PRKCE: variants seen among roughly 807,000 people sequenced by gnomAD.
The protein encoded by PRKCE is protein kinase C epsilon.
In PRKCE, 16 loss-of-function variants were observed where a neutral mutation model predicts 85.4. The ratio of observed to expected loss-of-function variants is 0.19; its 90% CI spans 0.13 to 0.28. The LOEUF is 0.28. Ranked by LOEUF, PRKCE falls within the 10% of genes least tolerant of loss-of-function variation. The pLI is 1.00. For missense variants in PRKCE, 573 were observed against 975.2 expected (o/e 0.59, Z 5.49); for synonymous variants, 388 against 371.5 (o/e 1.04, Z -0.51).
At chr2:46,125,412 TA>T (rs1388716841) in intron 11 of PRKCE, among the ~76,000 whole-genome samples, 1 of 152,204 alleles carries the variant, frequency 6.6e-6, no homozygotes, top group East Asian at 1.9e-4. Flanking sequence ...GGATTTAAAA[TA>T]AAAGTTTGAA....
At position 46,082,423 on chromosome 2, in the gene PRKCE, T is replaced by A. The variant is rs142587568; in HGVS notation, c.1438-3785T>A. Among the ~76,000 whole-genome samples, 31 of 152,170 alleles carry A rather than the reference T, an allele frequency of 2.0e-4. No individual in the cohort carries two copies. The East Asian group carries it at 5.8e-3, about 28-fold the overall frequency. ...ACTAAGGTTTCTGAAGGGTGAAGCT[T>A]TGCCCCGAGACCTAGAGAACTAGTT... is the stretch of plus-strand genomic sequence containing the variant. On this transcript the variant is annotated intron_variant, in intron 10 of 14. Coordinates refer to ENST00000306156, the MANE Select transcript of PRKCE (RefSeq NM_005400.3).
In PRKCE at chr2:45,653,370, G is replaced by GTTTTTTTTTTTTTTTTTTTTT. The variant is rs34888247; in HGVS notation, c.348+927_348+947dup. On this transcript the variant is annotated intron_variant, in intron 1 of 14. Transcript: ENST00000306156. ...TGCTTTTTGTGTTTGTTTTTGGGTT[G>GTTTTTTTTTTTTTTTTTTTTT]TTTTTTTTTTTTTTTTTTTTTTTTT... Among the ~76,000 whole-genome samples the GTTTTTTTTTTTTTTTTTTTTT allele has an allele frequency of 2.0e-4, 12 of 61,484 alleles. 3 individuals are homozygous for GTTTTTTTTTTTTTTTTTTTTT. The highest frequency in any genetic ancestry group is 3.0e-4 in the Non-Finnish European group (10 of 33,562). 40.3% of individuals were successfully genotyped at this position (61,484 alleles called of 152,430 possible).
intron 2 of PRKCE, among the ~76,000 whole-genome samples, chr2:45,854,440 A>G (rs1692519821): frequency 6.6e-6 from 1 of 152,214 alleles, no homozygotes; most frequent in Non-Finnish European, 1.5e-5. Flanking sequence ...AAGACCCCCA[A>G]CTGGCTACGC....
At chr2:45,995,501 A>C (rs956618698) in intron 6 of PRKCE, among the ~76,000 whole-genome samples, 1 of 152,148 alleles carries the variant, frequency 6.6e-6, no homozygotes, top group Non-Finnish European at 1.5e-5. Context: ...ATTTAGGTCT[A>C]CAGTCCATTT....
chr2:45,968,654 A>G lies in PRKCE; in HGVS notation c.413-7775A>G, dbSNP rs368530078. On this transcript the variant is annotated intron_variant, in intron 2 of 14. Transcript: ENST00000306156. Reference sequence around the variant, plus strand: ...TAAAAAAGTTTTTTTAGAAAAAGAAATTATCTGCTGAATATTCCTAAACTG... The same window carrying G: ...TAAAAAAGTTTTTTTAGAAAAAGAAGTTATCTGCTGAATATTCCTAAACTG... 5.3e-5 allele frequency among the ~76,000 whole-genome samples: 8 copies of G among 152,348 alleles called. No homozygotes were observed. In the South Asian group the frequency reaches 1.5e-3, roughly 28 times the overall value.
chr2:45,781,664 T>C (rs2105007420), intron 1 of PRKCE, among the ~76,000 whole-genome samples: 1 of 151,006 alleles, frequency 6.6e-6, no homozygotes, highest in South Asian at 2.1e-4. Context: ...CCCGACATGA[T>C]ATTGGAACAG....
intron 2 of PRKCE, among the ~76,000 whole-genome samples, chr2:45,975,167 C>G (rs1006202298): frequency 6.6e-6 from 1 of 152,144 alleles, no homozygotes; most frequent in Admixed American, 6.5e-5. Context: ...TAAAATGGGG[C>G]TAATAGCAGT....
chr2:45,687,648 T>A (rs192953441), intron 1 of PRKCE, among the ~76,000 whole-genome samples: 1 of 152,366 alleles, frequency 6.6e-6, no homozygotes, highest in East Asian at 1.9e-4. Context: ...TACTCTATGT[T>A]TCATTTTGCT....
intron 1 of PRKCE, among the ~76,000 whole-genome samples, chr2:45,796,957 G>A (rs1687484855): frequency 6.6e-6 from 1 of 152,150 alleles, no homozygotes; most frequent in African/African-American, 2.4e-5. Context: ...TAGATAAAGA[G>A]CTCAGAACAG....
intron 11 of PRKCE, among the ~76,000 whole-genome samples, chr2:46,114,441 A>G (rs1253694334): frequency 2.0e-4 from 21 of 105,142 alleles, no homozygotes; most frequent in African/African-American, 6.9e-4. Context: ...TTTTTGAGAC[A>G]GAGTCTTGCT....
intron 1 of PRKCE, among the ~76,000 whole-genome samples, chr2:45,678,970 G>A (rs950522339): frequency 3.3e-5 from 5 of 152,022 alleles, no homozygotes; most frequent in Non-Finnish European, 2.9e-5. Context: ...AATTGGTCAC[G>A]CAAAAGAAAG....
intron 2 of PRKCE, among the ~76,000 whole-genome samples, chr2:45,949,614 T>C (rs1358479666): frequency 1.3e-5 from 2 of 152,100 alleles, no homozygotes; most frequent in East Asian, 3.8e-4. Flanking sequence ...TTAATAAATC[T>C]TCCCCTATCT....
At chr2:46,036,314 T>A (rs762608352) in intron 10 of PRKCE, among the ~76,000 whole-genome samples, 2 of 152,198 alleles carry the variant, frequency 1.3e-5, no homozygotes, top group Non-Finnish European at 2.9e-5. Context: ...TGGTGGCTCA[T>A]GCCTGTAATG....
At chr2:46,172,913 G>A (rs180829698) in intron 14 of PRKCE, among the ~76,000 whole-genome samples, 148 of 152,304 alleles carry the variant, frequency 9.7e-4, no homozygotes, top group African/African-American at 3.3e-3. Context: ...TTTTTATAAT[G>A]GAAATGTTTA....
chr2:45,862,546 G>A (rs34090724), intron 2 of PRKCE, among the ~76,000 whole-genome samples: 6,135 of 152,332 alleles, frequency 0.04, 159 homozygotes, highest in Middle Eastern at 0.082. Context: ...TACCTGTGCA[G>A]TCAGAGGGGT....
Position 45,872,894 on chromosome 2 carries a change from G to A in PRKCE, c.412+29831G>A, listed in dbSNP as rs918788284. Among the ~76,000 whole-genome samples, 4 of 152,334 alleles carry A rather than the reference G, an allele frequency of 2.6e-5. No individual in the cohort carries two copies. The South Asian group carries it at 8.3e-4, about 32-fold the overall frequency. On this transcript the variant is annotated intron_variant, in intron 2 of 14. Transcript: ENST00000306156. ...CAGATGTAAATTGAGTCATGGGTAT[G>A]CAGGTTGTCTCTGGAGCTGTGTGCT... is the stretch of plus-strand genomic sequence containing the variant.
rs138964434 is a variant in PRKCE, at chr2:45,908,629, G to C, written c.412+65566G>C. On this transcript the variant is annotated intron_variant, in intron 2 of 14. Transcript: ENST00000306156. ...AGGGTCCTGAGGATGCACTGGTATA[G>C]CCTGGATATCTTTCCCATCAAAAGC... 3.5e-3 allele frequency among the ~76,000 whole-genome samples: 533 copies of C among 152,262 alleles called. 3 individuals carry two copies. The highest frequency in any genetic ancestry group is 4.7e-3 in the Non-Finnish European group (320 of 68,028).
chr2:46,167,068 C>T (rs746050136), intron 14 of PRKCE: 1 of 152,212 alleles, frequency 6.6e-6, no homozygotes, highest in Non-Finnish European at 1.5e-5. Flanking sequence ...TTTAATTCCT[C>T]TCTCTCCATT....
At chr2:45,714,232 A>G (rs1679904393) in intron 1 of PRKCE, among the ~76,000 whole-genome samples, 1 of 152,236 alleles carries the variant, frequency 6.6e-6, no homozygotes, top group Non-Finnish European at 1.5e-5. Context: ...ACATAAGAAC[A>G]CATAGAAAGG....
Sources: allele counts gnomAD v4.1 joint callset (sites outside exome capture counted in the v4.1 genomes callset), GRCh38; gene constraint gnomAD v4.1.1; transcripts MANE v1.5; gene names NCBI Gene and HGNC (gene_info 2026-07-23, HGNC 2026-07-21).